Variants in WIPF2 observed in about 807,000 individuals in gnomAD.
The protein encoded by WIPF2 is WAS/WASL-interacting protein family member 2.
Under a neutral mutation model 38.8 loss-of-function variants are expected in WIPF2, and 23 were observed. The observed-to-expected ratio is 0.59, with a 90% CI of 0.43 to 0.84. The LOEUF (loss-of-function observed/expected upper bound fraction) is 0.84, where lower values mean the gene tolerates loss of function less well. Ranked by LOEUF, WIPF2 falls within the 40% of genes least tolerant of loss-of-function variation. WIPF2 has a pLI of 0.00. For synonymous variants in WIPF2, 210 were observed against 223.2 expected (o/e 0.94, Z 0.53); for missense variants, 574 against 580.5 (o/e 0.99, Z 0.11).
At chr17:40,221,261 G>A (rs956789310) in intron 1 of WIPF2, among the ~76,000 whole-genome samples, 2 of 152,120 alleles carry the variant, frequency 1.3e-5, no homozygotes, top group African/African-American at 4.8e-5. Context: ...CAGGGAATAA[G>A]GACAGTTTTA....
intron 1 of WIPF2, among the ~76,000 whole-genome samples, chr17:40,226,301 T>C (rs1200156419): frequency 1.3e-5 from 2 of 151,706 alleles, no homozygotes; most frequent in East Asian, 3.9e-4. Context: ...CCTCCCGGGT[T>C]CATGCGATTA....
At chr17:40,251,563 A>G (rs2031563377) in intron 1 of WIPF2, among the ~76,000 whole-genome samples, 1 of 152,198 alleles carries the variant, frequency 6.6e-6, no homozygotes, top group Non-Finnish European at 1.5e-5. Context: ...AATGAGTTAA[A>G]TTTCATTTGG....
intron 1 of WIPF2, among the ~76,000 whole-genome samples, chr17:40,254,363 T>C (rs2145357778): frequency 6.6e-6 from 1 of 152,262 alleles, no homozygotes; most frequent in East Asian, 1.9e-4. Context: ...CTTCCATGGA[T>C]TGATTGGTGA....
Position 40,256,470 on chromosome 17 carries a change from C to T in WIPF2, c.11C>T (p.Pro4Leu). 6.2e-7 allele frequency: 1 copy of T among 1,608,852 alleles called. No individual in the cohort carries two copies. The highest frequency in any genetic ancestry group is 8.5e-7 in the Non-Finnish European group (1 of 1,178,050). MPIPPPPPPPPGPP... is the reference protein window; with the variant it reads MPILPPPPPPPGPP... Reference sequence around the variant, plus strand: ...GGGAGCAGGGCAAGAATGCCAATTCCTCCTCCCCCGCCACCCCCACCTGGT... The same window carrying T: ...GGGAGCAGGGCAAGAATGCCAATTCTTCCTCCCCCGCCACCCCCACCTGGT... Residue 4 changes from proline (P) to leucine (L), a missense_variant, in exon 2 of 8, where the codon CCT becomes CTT. Coordinates refer to ENST00000323571, the MANE Select transcript of WIPF2 (RefSeq NM_133264.5).
chr17:40,238,132 C>T (rs2031049658), intron 1 of WIPF2, among the ~76,000 whole-genome samples: 1 of 151,614 alleles, frequency 6.6e-6, no homozygotes, highest in South Asian at 2.1e-4. Flanking sequence ...GCTGGGATTA[C>T]AGACGTGAGC....
chr17:40,275,070 T>C (rs2032356192), intron 6 of WIPF2, among the ~76,000 whole-genome samples: 1 of 150,476 alleles, frequency 6.6e-6, no homozygotes, highest in Non-Finnish European at 1.5e-5. Flanking sequence ...TGAAACCCCA[T>C]CTCTACTAAA....
rs2030761912 is a variant in WIPF2, at chr17:40,231,972, T to C, written c.-70+12480T>C. Among the ~76,000 whole-genome samples, 3 of 149,746 alleles carry C rather than the reference T, an allele frequency of 2.0e-5. No individual in the cohort carries two copies. In the South Asian group the frequency reaches 6.3e-4, roughly 31 times the overall value. ...TTTTTTAGCAGTTAGTGGCATTACA[T>C]TGAAAACAAGACCTAAAAAGAGAGT... On this transcript the variant is annotated intron_variant, in intron 1 of 7. Transcript: ENST00000323571.
chr17:40,254,589 TTTTTGAG>T (rs1274851040), intron 1 of WIPF2, among the ~76,000 whole-genome samples: 1 of 152,106 alleles, frequency 6.6e-6, no homozygotes, highest in Non-Finnish European at 1.5e-5. Context: ...AACTATATAG[TTTTTGAG>T]TTTTAAGTGT....
intron 1 of WIPF2, among the ~76,000 whole-genome samples, chr17:40,224,862 A>G (rs1453975294): frequency 6.6e-6 from 1 of 152,010 alleles, no homozygotes; most frequent in Non-Finnish European, 1.5e-5. Flanking sequence ...GGCAACATGC[A>G]TCCCTTTGCC....
chr17:40,257,753 A>AAT, intron 2 of WIPF2, among the ~76,000 whole-genome samples: 1 of 151,992 alleles, frequency 6.6e-6, no homozygotes, highest in East Asian at 1.9e-4. Context: ...AAAAAAAAAA[A>AAT]AAAAAAAGGA....
At chr17:40,259,018 CAAAAAAAAAAA>C (rs903377557) in intron 2 of WIPF2, among the ~76,000 whole-genome samples, 1 of 34,906 alleles carries the variant, frequency 2.9e-5, no homozygotes, top group South Asian at 1.2e-3. Context: ...AACTCTGTCT[CAAAAAAAAAAA>C]AAAAAAAAAA....
chr17:40,271,052 A>T lies in WIPF2; in HGVS notation c.971-2738A>T, dbSNP rs536905315. ...CAGTGGCGCGATGTTGGCTTATTGC[A>T]GCCTCCATCTCCCAGGTTCAAGCTC... On this transcript the variant is annotated intron_variant, in intron 5 of 7. Coordinates refer to ENST00000323571, the MANE Select transcript of WIPF2 (RefSeq NM_133264.5). Among the ~76,000 whole-genome samples the T allele has an allele frequency of 4.6e-5, 7 of 152,286 alleles. No individual in the cohort carries two copies. In the South Asian group the frequency reaches 1.2e-3, roughly 27 times the overall value.
intron 1 of WIPF2, among the ~76,000 whole-genome samples, chr17:40,224,065 T>C (rs1271551978): frequency 6.6e-6 from 1 of 151,826 alleles, no homozygotes; most frequent in Non-Finnish European, 1.5e-5. Context: ...CTACAAAATA[T>C]ATGTACTTAT....
At chr17:40,220,621 A>G (rs1298262315) in intron 1 of WIPF2, 6 of 102,782 alleles carry the variant, frequency 5.8e-5, no homozygotes, top group East Asian at 3.7e-4. Flanking sequence ...ATATATATGT[A>G]TATATATATA....
chr17:40,256,810 G>A (rs943617696), intron 2 of WIPF2, among the ~76,000 whole-genome samples: 1 of 152,150 alleles, frequency 6.6e-6, no homozygotes, highest in African/African-American at 2.4e-5. Context: ...TGATTCCTGA[G>A]AGGTCCTCTT....
At chr17:40,277,723 CTTTTTTT>C (rs528401568) in intron 7 of WIPF2, among the ~76,000 whole-genome samples, 1 of 97,638 alleles carries the variant, frequency 1.0e-5, no homozygotes. Flanking sequence ...CTTCGTTGTC[CTTTTTTT>C]TTTTTTTTTT....
rs201136851 is a variant in WIPF2 at position 40,222,587 on chromosome 17, TTG to T, written c.-70+3113_-70+3114del. On this transcript the variant is annotated intron_variant, in intron 1 of 7. Coordinates refer to ENST00000323571, the MANE Select transcript of WIPF2 (RefSeq NM_133264.5). ...TAGCCTTGCTCATGTGTGTGTGTGT[TTG>T]TGTGTGTGTGTGTGTGTCTGCGTGC... Among the ~76,000 whole-genome samples, 196 of 146,306 alleles carry T rather than the reference TTG, an allele frequency of 1.3e-3. 1 individual carries two copies. In the East Asian group the frequency reaches 0.024, roughly 18 times the overall value.
intron 1 of WIPF2, among the ~76,000 whole-genome samples, chr17:40,249,435 A>G (rs1188151225): frequency 3.3e-5 from 5 of 152,006 alleles, no homozygotes; most frequent in Non-Finnish European, 1.5e-5. Flanking sequence ...CTTTTTAAAG[A>G]TGGATAGAAG....
In WIPF2 at chr17:40,278,894, T is replaced by C. The variant is rs1598505601; in HGVS notation, c.*669T>C. The C allele has an allele frequency of 7.1e-6, 1 of 140,348 alleles. No homozygotes were observed. Among genetic ancestry groups the C allele is most frequent in the Non-Finnish European group, 1.5e-5 (1 of 65,716 alleles). 8.7% of individuals were successfully genotyped at this position (140,348 alleles called of 1,614,324 possible). On this transcript the variant is annotated 3_prime_UTR_variant, in exon 8 of 8. Transcript: ENST00000323571. ...CTTAACATTTAATAAAAAGAAAGGG[T>C]GAAATAAACTGAAGACCATTTTAGA... is the stretch of plus-strand genomic sequence containing the variant.
Sources: gnomAD v4.1 joint callset for allele counts (sites outside exome capture counted in the v4.1 genomes callset) on GRCh38, gnomAD v4.1.1 for gene constraint, MANE v1.5 for transcripts, NCBI Gene and HGNC (gene_info 2026-07-23, HGNC 2026-07-21) for gene names.